Variants in MALT1 observed in about 807,000 individuals in gnomAD.
The protein encoded by MALT1 is mucosa-associated lymphoid tissue lymphoma translocation protein 1.
MALT1 carries 36 observed loss-of-function variants against 85.5 expected under a neutral mutation model. The observed-to-expected ratio is 0.42, with a 90% CI of 0.32 to 0.56. The LOEUF is 0.56. Ranked by LOEUF, MALT1 falls within the 20% of genes least tolerant of loss-of-function variation. The pLI is 0.10. For synonymous variants in MALT1, 359 were observed against 361.3 expected, an observed-to-expected ratio of 0.99 and a Z score of 0.07; for missense variants, 716 against 981.6, an observed-to-expected ratio of 0.73 and a Z score of 3.62.
intron 2 of MALT1, chr18:58,691,326 TG>T: frequency 4.7e-6 from 4 of 845,204 alleles, no homozygotes; most frequent in Non-Finnish European, 3.7e-6. Flanking sequence ...AGATCAGCTG[TG>T]GGCCAAGATG....
At chr18:58,692,098 C>G (rs12454721) in intron 2 of MALT1, 15,168 of 147,414 alleles carry the variant, frequency 0.1, 1,029 homozygotes, top group Admixed American at 0.16. Flanking sequence ...GTTGGGCTGA[C>G]TGGTTTCCAG....
intron 4 of MALT1, 108 bp from the exon 5 acceptor site, chr18:58,709,270 A>G (rs540939492): frequency 1.5e-6 from 1 of 683,250 alleles, no homozygotes; most frequent in Non-Finnish European, 2.3e-6. Flanking sequence ...GGGAAATGTT[A>G]TTAAAAATTG....
At chr18:58,713,173 T>A (rs1003078761) in intron 7 of MALT1, among the ~76,000 whole-genome samples, 1 of 152,188 alleles carries the variant, frequency 6.6e-6, no homozygotes, top group Non-Finnish European at 1.5e-5. Context: ...CATATAAGAA[T>A]AAAGTTTCTA....
intron 10 of MALT1, among the ~76,000 whole-genome samples, chr18:58,728,531 T>G (rs1261033497): frequency 6.6e-6 from 1 of 152,106 alleles, no homozygotes; most frequent in Non-Finnish European, 1.5e-5. Flanking sequence ...CTTGAGCCTG[T>G]GAGGTCGAAG....
intron 7 of MALT1, among the ~76,000 whole-genome samples, chr18:58,711,500 T>A (rs1206803804): frequency 6.6e-6 from 1 of 152,204 alleles, no homozygotes; most frequent in Non-Finnish European, 1.5e-5. Context: ...TAATCTACCA[T>A]GTCACCTTTA....
chr18:58,753,938 T>G lies in MALT1; in HGVS notation c.*6096T>G, dbSNP rs1000424206. 1 of 152,200 alleles carries G rather than the reference T, an allele frequency of 6.6e-6. No homozygotes were observed. Among genetic ancestry groups the G allele is most frequent in the Non-Finnish European group, 1.5e-5 (1 of 68,038 alleles). 9.4% of individuals were successfully genotyped at this position (152,200 alleles called of 1,614,324 possible). ...CACTTTTTTTCATGCTTGAGTTTAGTTGATAAATAGCATTTTAGATACTAA... is the reference window on the plus strand; with the variant it reads ...CACTTTTTTTCATGCTTGAGTTTAGGTGATAAATAGCATTTTAGATACTAA... On this transcript the variant is annotated 3_prime_UTR_variant, in exon 17 of 17. Transcript: ENST00000649217.
chr18:58,713,745 A>T (rs1351856763), intron 7 of MALT1, among the ~76,000 whole-genome samples: 1 of 152,216 alleles, frequency 6.6e-6, no homozygotes, highest in Admixed American at 6.5e-5. Context: ...AAACCTTAAA[A>T]TGTTCTAAAA....
chr18:58,695,704 T>A (rs1413595148), intron 2 of MALT1, among the ~76,000 whole-genome samples: 1 of 152,216 alleles, frequency 6.6e-6, no homozygotes, highest in Non-Finnish European at 1.5e-5. Flanking sequence ...CAGCTTCTGA[T>A]GAAGGTTTTC....
intron 5 of MALT1, 140 bp downstream of exon 5, chr18:58,709,696 G>T (rs1602310324): frequency 1.3e-6 from 1 of 761,828 alleles, no homozygotes; most frequent in Non-Finnish European, 2.0e-6. Flanking sequence ...AGTCCCTTAT[G>T]ATTTCATATT....
At chr18:58,674,473 T>G (rs1272726388) in intron 1 of MALT1, among the ~76,000 whole-genome samples, 1 of 151,930 alleles carries the variant, frequency 6.6e-6, no homozygotes, top group Non-Finnish European at 1.5e-5. Flanking sequence ...AAAGATTAGT[T>G]TTGAGGAGGT....
chr18:58,713,954 T>A (rs1402527235), intron 7 of MALT1, 129 bp from the exon 8 acceptor site: 1 of 533,842 alleles, frequency 1.9e-6, no homozygotes, highest in Non-Finnish European at 3.4e-6. Context: ...TTCATTTAAT[T>A]TGAAAAGTTG....
At chr18:58,699,371 G>GT (rs1158728723) in intron 3 of MALT1, among the ~76,000 whole-genome samples, 1 of 152,184 alleles carries the variant, frequency 6.6e-6, no homozygotes, top group Non-Finnish European at 1.5e-5. Context: ...TCAGGCAGTT[G>GT]TAAGTGCAGC....
chr18:58,720,057 A>G (rs2054962571), intron 9 of MALT1, among the ~76,000 whole-genome samples: 1 of 152,234 alleles, frequency 6.6e-6, no homozygotes, highest in Non-Finnish European at 1.5e-5. Flanking sequence ...GAAGACGTTT[A>G]GGATCATGAG....
chr18:58,740,284 T>G (rs138964716), intron 13 of MALT1, among the ~76,000 whole-genome samples: 241 of 152,338 alleles, frequency 1.6e-3, no homozygotes, highest in Non-Finnish European at 3.0e-3. Context: ...GAACCAATCT[T>G]TGACTCTGTT....
At chr18:58,701,703 T>A (rs1225788283) in intron 4 of MALT1, among the ~76,000 whole-genome samples, 1 of 152,224 alleles carries the variant, frequency 6.6e-6, no homozygotes, top group Non-Finnish European at 1.5e-5. Context: ...CAGGAAAGAT[T>A]ATCTGCTACA....
intron 10 of MALT1, among the ~76,000 whole-genome samples, chr18:58,732,630 G>A (rs767297906): frequency 1.6e-4 from 24 of 152,080 alleles, no homozygotes; most frequent in South Asian, 8.3e-4. Flanking sequence ...TTGTTCATCC[G>A]TTAAATACTT....
At position 58,686,272 on chromosome 18, in the gene MALT1, C is replaced by T. The variant is rs553322882; in HGVS notation, c.376+4936C>T. The stretch of plus-strand genomic sequence containing the variant: ...AAACTCCTGACCTCAGGTAATCCGT[C>T]CGCCTCGGCCTCCCAAAGTACTGGG... On this transcript the variant is annotated intron_variant, in intron 2 of 16. Coordinates refer to ENST00000649217, the MANE Select transcript of MALT1 (RefSeq NM_006785.4). Among the ~76,000 whole-genome samples, 160 of 152,362 alleles carry T rather than the reference C, an allele frequency of 1.1e-3. 1 individual carries two copies. The highest frequency in any genetic ancestry group is 6.8e-3 in the Middle Eastern group (2 of 294).
chr18:58,723,324 G>A, intron 10 of MALT1, 73 bp downstream of exon 10: 1 of 1,067,758 alleles, frequency 9.4e-7, no homozygotes, highest in Non-Finnish European at 1.4e-6. Context: ...GTTAAGAATT[G>A]AAAATCAGAT....
chr18:58,709,456 C>T lies in MALT1; in HGVS notation c.728C>T (p.Thr243Ile). 6.2e-7 allele frequency: 1 copy of T among 1,612,930 alleles called. No individual in the cohort carries two copies. Among genetic ancestry groups the T allele is most frequent in the Non-Finnish European group, 8.5e-7 (1 of 1,179,422 alleles). Residue 243 changes from threonine (T) to isoleucine (I), a missense_variant, in exon 5 of 17, where the codon ACA (threonine) becomes ATA (isoleucine). Thr to Ile is a moderately conservative substitution (Grantham distance 89). Transcript: ENST00000649217. ...PTSQKLMPGS[T>I]LVLQCVAVGS... The stretch of plus-strand genomic sequence containing the variant: ...TCCCAAAAGCTGATGCCAGGCAGCA[C>T]ATTGGTTTTACAGTGTGTTGCTGTT...
Sources: gnomAD v4.1 joint callset for allele counts (sites outside exome capture counted in the v4.1 genomes callset) on GRCh38, gnomAD v4.1.1 for gene constraint, MANE v1.5 for transcripts, NCBI Gene and HGNC (gene_info 2026-07-23, HGNC 2026-07-21) for gene names.